Variants in CSMD1 observed in about 807,000 individuals in gnomAD.
CSMD1 encodes the protein CUB and sushi domain-containing protein 1.
In CSMD1, 213 loss-of-function variants were observed where a neutral mutation model predicts 417.5. The ratio of observed to expected loss-of-function variants is 0.51; its 90% CI spans 0.46 to 0.57. CSMD1 has a LOEUF of 0.57. CSMD1 is among the 20% of genes least tolerant of loss of function. The probability of loss-of-function intolerance (pLI) is 0.00; values close to 1 mark genes in which losing one functional copy is unlikely to be tolerated. For synonymous variants in CSMD1, 2,862 were observed against 1,736.8 expected, an observed-to-expected ratio of 1.65 and a Z score of -16.11; for missense variants, 6,923 against 4,529.7, an observed-to-expected ratio of 1.53 and a Z score of -15.17.
At position 4,524,015 on chromosome 8, in the gene CSMD1, C is replaced by T. The variant is rs751436194; in HGVS notation, c.303-103950G>A. 5.4e-4 allele frequency among the ~76,000 whole-genome samples: 82 copies of T among 152,112 alleles called. No individual in the cohort carries two copies. The Middle Eastern group carries it at 0.01, about 19-fold the overall frequency. On this transcript the variant is annotated intron_variant, in intron 2 of 69. Transcript: ENST00000635120. ...GGTCCCTATGTTAGGTTTTGGATCT[C>T]CAACATTAAATGTAGTTTCTGATGT... is the stretch of plus-strand genomic sequence containing the variant.
chr8:4,602,532 C>T (rs151294702), intron 2 of CSMD1, among the ~76,000 whole-genome samples: 1 of 152,152 alleles, frequency 6.6e-6, no homozygotes, highest in African/African-American at 2.4e-5. Context: ...ATATTAGGAA[C>T]ATATTGGTCA....
chr8:3,124,009 C>T (rs940152307), intron 41 of CSMD1, among the ~76,000 whole-genome samples: 2 of 152,050 alleles, frequency 1.3e-5, no homozygotes, highest in East Asian at 1.9e-4. Flanking sequence ...TGAAAAACAC[C>T]GAAATAGGAC....
intron 3 of CSMD1, among the ~76,000 whole-genome samples, chr8:4,262,001 T>A (rs1803921116): frequency 6.6e-6 from 1 of 152,172 alleles, no homozygotes. Flanking sequence ...ATGAGTGAAA[T>A]TCTGAGACTG....
intron 22 of CSMD1, among the ~76,000 whole-genome samples, chr8:3,344,667 AG>A (rs1807872745): frequency 6.6e-6 from 1 of 152,186 alleles, no homozygotes; most frequent in Non-Finnish European, 1.5e-5. Context: ...GAGTCTTAGT[AG>A]GCTCTTCCAA....
At chr8:4,893,740 CTTTG>C (rs1181190042) in intron 1 of CSMD1, among the ~76,000 whole-genome samples, 1 of 152,082 alleles carries the variant, frequency 6.6e-6, no homozygotes, top group African/African-American at 2.4e-5. Flanking sequence ...GGACTACTTG[CTTTG>C]TTTCATTAAT....
chr8:3,405,748 T>C (rs1812307250), intron 15 of CSMD1, among the ~76,000 whole-genome samples: 1 of 152,128 alleles, frequency 6.6e-6, no homozygotes, highest in African/African-American at 2.4e-5. Flanking sequence ...AGCCATGGAA[T>C]GCCAGAGATT....
At chr8:3,985,846 T>C (rs1435042055) in intron 5 of CSMD1, among the ~76,000 whole-genome samples, 1 of 151,626 alleles carries the variant, frequency 6.6e-6, no homozygotes, top group Non-Finnish European at 1.5e-5. Flanking sequence ...GACTGTACCC[T>C]AGGTCTGTCT....
chr8:3,336,320 C>A (rs1251700617), intron 23 of CSMD1, among the ~76,000 whole-genome samples: 1 of 152,198 alleles, frequency 6.6e-6, no homozygotes, highest in Non-Finnish European at 1.5e-5. Flanking sequence ...CACTTCCCAT[C>A]ACAAATTGTA....
At chr8:4,401,022 C>G (rs986771855) in intron 3 of CSMD1, among the ~76,000 whole-genome samples, 3 of 151,986 alleles carry the variant, frequency 2.0e-5, no homozygotes, top group African/African-American at 2.4e-5. Context: ...CATTTAAAAT[C>G]TGAAAGTTAA....
chr8:4,450,829 G>C (rs572014333), intron 2 of CSMD1, among the ~76,000 whole-genome samples: 250 of 152,264 alleles, frequency 1.6e-3, no homozygotes, highest in Non-Finnish European at 3.0e-3. Context: ...TACTGCACTT[G>C]TGAGTAAGGG....
rs1038064761 is a variant in CSMD1, at chr8:3,772,323, A to G, written c.819-18281T>C. Among the ~76,000 whole-genome samples, 4 of 50,598 alleles carry G rather than the reference A, an allele frequency of 7.9e-5. 1 individual carries two copies. Among genetic ancestry groups the G allele is most frequent in the African/African-American group, 3.2e-4 (4 of 12,560 alleles). The allele number at this position is 50,598 out of a possible 152,430, so 33.2% of individuals were successfully genotyped here. On this transcript the variant is annotated intron_variant, in intron 5 of 69. Coordinates refer to ENST00000635120, the MANE Select transcript of CSMD1 (RefSeq NM_033225.6). The stretch of plus-strand genomic sequence containing the variant: ...TACATATATTTAGACATACATATGT[A>G]CATATATTTAGACATACATATATAC...
At chr8:4,975,984 T>C (rs1810539597) in intron 1 of CSMD1, among the ~76,000 whole-genome samples, 1 of 152,220 alleles carries the variant, frequency 6.6e-6, no homozygotes, top group African/African-American at 2.4e-5. Flanking sequence ...GAAATAGGTG[T>C]ACAACAGACA....
At chr8:4,181,863 G>C (rs1185586604) in intron 3 of CSMD1, among the ~76,000 whole-genome samples, 4 of 152,016 alleles carry the variant, frequency 2.6e-5, no homozygotes, top group Admixed American at 6.6e-5. Flanking sequence ...TTCTCCTTTA[G>C]CCTAGTTGAT....
At chr8:4,976,959 C>A (rs1225155762) in intron 1 of CSMD1, among the ~76,000 whole-genome samples, 1 of 152,276 alleles carries the variant, frequency 6.6e-6, no homozygotes, top group South Asian at 2.1e-4. Flanking sequence ...AGGGCAGATG[C>A]TGTTGTCTTT....
rs146456145 is a variant in CSMD1 at position 3,619,423 on chromosome 8, A to C, written c.1010-2626T>G. Among the ~76,000 whole-genome samples, 160 of 152,106 alleles carry C rather than the reference A, an allele frequency of 1.1e-3. 2 individuals are homozygous for C. The highest frequency in any genetic ancestry group is 0.01 in the East Asian group (52 of 5,170). Reference sequence around the variant, plus strand: ...CCACAAGGCATACAAAGAAAGAGGGAAACATGGCCATTCAAAGGGTCGAAA... The same window carrying C: ...CCACAAGGCATACAAAGAAAGAGGGCAACATGGCCATTCAAAGGGTCGAAA... On this transcript the variant is annotated intron_variant, in intron 7 of 69. Coordinates refer to ENST00000635120, the MANE Select transcript of CSMD1 (RefSeq NM_033225.6).
intron 37 of CSMD1, among the ~76,000 whole-genome samples, chr8:3,180,571 AT>A (rs1224440110): frequency 2.6e-5 from 4 of 152,126 alleles, no homozygotes; most frequent in Non-Finnish European, 4.4e-5. Context: ...GTTATATCTA[AT>A]TACTTGAGAT....
intron 5 of CSMD1, among the ~76,000 whole-genome samples, chr8:3,979,495 T>C (rs1813694810): frequency 6.6e-6 from 1 of 152,148 alleles, no homozygotes. Flanking sequence ...GTTGTGTCAC[T>C]CCAAAATTCA....
intron 7 of CSMD1, among the ~76,000 whole-genome samples, chr8:3,649,731 G>C (rs575202509): frequency 5.3e-5 from 8 of 152,246 alleles, no homozygotes; most frequent in African/African-American, 1.9e-4. Flanking sequence ...TGAGATTTGA[G>C]TGGGGACACA....
At chr8:4,036,586 T>G (rs948700684) in intron 3 of CSMD1, among the ~76,000 whole-genome samples, 2 of 152,212 alleles carry the variant, frequency 1.3e-5, no homozygotes, top group African/African-American at 4.8e-5. Context: ...GAAAGGTATT[T>G]TTAATAGGGA....
Sources: gnomAD v4.1 joint callset for allele counts (sites outside exome capture counted in the v4.1 genomes callset) on GRCh38, gnomAD v4.1.1 for gene constraint, MANE v1.5 for transcripts, NCBI Gene and HGNC (gene_info 2026-07-23, HGNC 2026-07-21) for gene names.